The following NEMP1 variants were observed in gnomAD, a reference collection of about 807,000 sequenced individuals.
NEMP1 encodes nuclear envelope integral membrane protein 1.
A neutral mutation model predicts 53.7 loss-of-function variants in NEMP1; 29 were observed. The ratio of observed to expected loss-of-function variants is 0.54; its 90% CI spans 0.40 to 0.74. The LOEUF is 0.74. Ranked by LOEUF, NEMP1 falls within the 30% of genes least tolerant of loss-of-function variation. The pLI is 0.00. For synonymous variants in NEMP1, 193 were observed against 192.9 expected (o/e 1.00, Z 0.00); for missense variants, 477 against 528.6 (o/e 0.90, Z 0.96).
chr12:57,078,559 C>T, intron 1 of NEMP1, 60 bp downstream of exon 1: 10 of 1,562,954 alleles, frequency 6.4e-6, no homozygotes, highest in Non-Finnish European at 5.2e-6. Context: ...GGGACAATCC[C>T]TTTTCCAAAA....
rs1167555031 is a variant in NEMP1, at chr12:57,056,045, C to G, written c.*3834G>C. ...GATTTCACCATTTTCAAATTATCATCAAGAGTGTGAAAGAGGAAGATGACA... is the reference window on the plus strand; with the variant it reads ...GATTTCACCATTTTCAAATTATCATGAAGAGTGTGAAAGAGGAAGATGACA... On this transcript the variant is annotated 3_prime_UTR_variant, in exon 9 of 9. Coordinates refer to ENST00000300128, the MANE Select transcript of NEMP1 (RefSeq NM_001130963.2). 1 of 152,190 alleles carries G rather than the reference C, an allele frequency of 6.6e-6. No individual in the cohort carries two copies. Among genetic ancestry groups the G allele is most frequent in the East Asian group, 1.9e-4 (1 of 5,206 alleles). 9.4% of individuals were successfully genotyped at this position (152,190 alleles called of 1,614,324 possible).
chr12:57,063,979 A>T, intron 6 of NEMP1, 92 bp downstream of exon 6: 1 of 705,342 alleles, frequency 1.4e-6, no homozygotes, highest in Non-Finnish European at 2.4e-6. Context: ...ATGAACTATT[A>T]AATCCCATAA....
In NEMP1 at chr12:57,066,329, C is replaced by T. The variant is rs117433546; in HGVS notation, c.546-1590G>A. 3.9e-5 allele frequency among the ~76,000 whole-genome samples: 6 copies of T among 152,316 alleles called. No homozygotes were observed. The East Asian group carries it at 1.2e-3, about 29-fold the overall frequency. On this transcript the variant is annotated intron_variant, in intron 4 of 8. Transcript: ENST00000300128. Reference sequence around the variant, plus strand: ...CTCAACAGCCAACTAAAACTCTCTCCATATCAGCAATAAGGCTGTTTCACT... The same window carrying T: ...CTCAACAGCCAACTAAAACTCTCTCTATATCAGCAATAAGGCTGTTTCACT...
At chr12:57,062,189 T>A (rs1481363985) in intron 7 of NEMP1, among the ~76,000 whole-genome samples, 1 of 151,952 alleles carries the variant, frequency 6.6e-6, no homozygotes, top group Non-Finnish European at 1.5e-5. Flanking sequence ...TGAGAAATAG[T>A]CTGAAATGGG....
At chr12:57,088,485 C>T (rs1225327355), upstream of NEMP1, among the ~76,000 whole-genome samples, 1 of 152,194 alleles carries the variant, frequency 6.6e-6, no homozygotes, top group African/African-American at 2.4e-5. Context: ...CCGCACAGCC[C>T]AGCCTTCGCT....
At chr12:57,065,792 C>T (rs1032028982) in intron 4 of NEMP1, among the ~76,000 whole-genome samples, 11 of 152,010 alleles carry the variant, frequency 7.2e-5, no homozygotes, top group Non-Finnish European at 1.2e-4. Context: ...TGAGCCACCA[C>T]GCCTAGCCTA....
At chr12:57,062,404 C>T (rs1356346171) in intron 7 of NEMP1, among the ~76,000 whole-genome samples, 1 of 151,912 alleles carries the variant, frequency 6.6e-6, no homozygotes, top group Non-Finnish European at 1.5e-5. Context: ...CACTTGAACC[C>T]GGGAGGTGGA....
chr12:57,087,544 G>A (rs1352896302), intron 1 of NEMP1, among the ~76,000 whole-genome samples: 1 of 151,866 alleles, frequency 6.6e-6, no homozygotes, highest in East Asian at 1.9e-4. Flanking sequence ...GGGGGACTGG[G>A]AGACGGGACT....
Position 57,059,807 on chromosome 12 carries a change from A to G in NEMP1, c.*72T>C. ...ATCTCACTCTGTTTCAAAGGGTTGA[A>G]AGCAATTGCACAACACATGCAACAT... On this transcript the variant is annotated 3_prime_UTR_variant, in exon 9 of 9. Transcript: ENST00000300128. The G allele has an allele frequency of 1.4e-6, 2 of 1,379,400 alleles. No homozygotes were observed. Among genetic ancestry groups the G allele is most frequent in the Non-Finnish European group, 1.0e-6 (1 of 995,656 alleles). The allele number at this position is 1,379,400 out of a possible 1,614,324, so 85.4% of individuals were successfully genotyped here.
At chr12:57,079,654 T>G (rs190416859), upstream of NEMP1, among the ~76,000 whole-genome samples, 1 of 152,208 alleles carries the variant, frequency 6.6e-6, no homozygotes. Context: ...ACTTTTTTTT[T>G]AAGAGGATCT....
chr12:57,076,593 G>A (rs769537766), intron 1 of NEMP1, among the ~76,000 whole-genome samples: 2 of 151,212 alleles, frequency 1.3e-5, no homozygotes, highest in Non-Finnish European at 2.9e-5. Flanking sequence ...AGATCACGAG[G>A]TCAGGAGTTT....
upstream of NEMP1, among the ~76,000 whole-genome samples, chr12:57,082,342 A>T (rs1266509560): frequency 3.9e-5 from 6 of 152,254 alleles, no homozygotes. Context: ...GTCAGATAAT[A>T]ATTGAGGAAA....
chr12:57,069,150 A>T (rs1049875516), intron 4 of NEMP1, 84 bp downstream of exon 4: 7 of 859,434 alleles, frequency 8.1e-6, no homozygotes, highest in African/African-American at 1.8e-5. Context: ...TGGAAATGGG[A>T]ATGGCAGTAC....
At chr12:57,070,959 A>G (rs1592510141) in intron 2 of NEMP1, 66 bp from the exon 3 acceptor site, 1 of 1,390,826 alleles carries the variant, frequency 7.2e-7, no homozygotes, top group South Asian at 1.3e-5. Flanking sequence ...CACAAATACA[A>G]TTTTTTAAAA....
chr12:57,060,970 G>C (rs1192610110), intron 7 of NEMP1, 25 bp from the exon 8 acceptor site: 2 of 1,606,530 alleles, frequency 1.2e-6, no homozygotes, highest in Non-Finnish European at 1.7e-6. Context: ...ATAACATTAT[G>C]AATCATTAAT....
chr12:57,066,507 G>A (rs1176601319), intron 4 of NEMP1, among the ~76,000 whole-genome samples: 1 of 152,192 alleles, frequency 6.6e-6, no homozygotes, highest in Non-Finnish European at 1.5e-5. Flanking sequence ...TAATCAGAGA[G>A]ATGTATGACT....
intron 4 of NEMP1, among the ~76,000 whole-genome samples, chr12:57,068,986 T>C (rs190913365): frequency 7.9e-5 from 12 of 152,334 alleles, no homozygotes; most frequent in African/African-American, 2.9e-4. Context: ...TTTCATTGTA[T>C]TGGCTAACTC....
intron 1 of NEMP1, among the ~76,000 whole-genome samples, chr12:57,085,604 G>A (rs146145105): frequency 2.0e-4 from 30 of 152,320 alleles, no homozygotes; most frequent in Non-Finnish European, 4.0e-4. Context: ...CTAACTTGAA[G>A]GACAACATTC....
At chr12:57,077,309 G>A (rs1251298026) in intron 1 of NEMP1, among the ~76,000 whole-genome samples, 2 of 149,172 alleles carry the variant, frequency 1.3e-5, no homozygotes, top group East Asian at 2.0e-4. Context: ...TCCAGCCTGC[G>A]CGAAAGAGGG....
Sources: allele counts gnomAD v4.1 joint callset (sites outside exome capture counted in the v4.1 genomes callset), GRCh38; gene constraint gnomAD v4.1.1; transcripts MANE v1.5; gene names NCBI Gene and HGNC (gene_info 2026-07-23, HGNC 2026-07-21).